THSD7B: variants seen among roughly 807,000 people sequenced by gnomAD.
The protein encoded by THSD7B is thrombospondin type 1 domain containing 7B.
Under a neutral mutation model 213.6 loss-of-function variants are expected in THSD7B, and 138 were observed. That is an observed-to-expected ratio of 0.65 (90% confidence interval 0.56 to 0.74). The LOEUF (loss-of-function observed/expected upper bound fraction) is 0.74, where lower values mean the gene tolerates loss of function less well. Among genes scored for constraint, THSD7B ranks in the 30% least tolerant of loss-of-function variants. THSD7B has a pLI of 0.00. For synonymous variants in THSD7B, 742 were observed against 687.0 expected (o/e 1.08, Z -1.25); for missense variants, 1,931 against 1,991.5 (o/e 0.97, Z 0.58).
chr2:136,898,086 T>C (rs1558843605), intron 2 of THSD7B, among the ~76,000 whole-genome samples: 1 of 152,196 alleles, frequency 6.6e-6, no homozygotes, highest in African/African-American at 2.4e-5. Flanking sequence ...GCATTTACAG[T>C]CCTCTAGCTA....
At chr2:137,556,841 A>G (rs1573706179) in intron 15 of THSD7B, among the ~76,000 whole-genome samples, 2 of 152,338 alleles carry the variant, frequency 1.3e-5, no homozygotes, top group East Asian at 3.9e-4. Flanking sequence ...AAAGGGATGG[A>G]GGAAGATCTA....
At chr2:137,039,764 G>A (rs1686846630) in intron 2 of THSD7B, among the ~76,000 whole-genome samples, 1 of 152,192 alleles carries the variant, frequency 6.6e-6, no homozygotes, top group Admixed American at 6.5e-5. Flanking sequence ...GTATAGCTCT[G>A]AAGCACTTTC....
chr2:137,178,988 C>T (rs1376038549), intron 7 of THSD7B, among the ~76,000 whole-genome samples: 1 of 152,152 alleles, frequency 6.6e-6, no homozygotes, highest in African/African-American at 2.4e-5. Context: ...CAAATTGCTT[C>T]CTGAGTTGTG....
chr2:136,774,750 G>T (rs1681570232), intron 1 of THSD7B, among the ~76,000 whole-genome samples: 1 of 152,124 alleles, frequency 6.6e-6, no homozygotes, highest in South Asian at 2.1e-4. Flanking sequence ...GCTATATCGT[G>T]TAAGAGTATG....
chr2:137,405,206 A>AAG (rs1686487533), intron 12 of THSD7B, among the ~76,000 whole-genome samples: 2 of 151,916 alleles, frequency 1.3e-5, no homozygotes, highest in South Asian at 4.2e-4. Flanking sequence ...AGCAAAAAAA[A>AAG]AAAAAAAATG....
chr2:137,491,366 C>T (rs1262235917), intron 15 of THSD7B, among the ~76,000 whole-genome samples: 4 of 152,236 alleles, frequency 2.6e-5, no homozygotes, highest in East Asian at 1.9e-4. Context: ...GTGTGGCCAA[C>T]GTTTTTGATG....
chr2:137,020,444 C>T (rs75319286), intron 2 of THSD7B, among the ~76,000 whole-genome samples: 2 of 152,124 alleles, frequency 1.3e-5, no homozygotes, highest in Admixed American at 1.3e-4. Flanking sequence ...TTTCTCCTAG[C>T]CTGATCTGAT....
At chr2:137,336,643 G>A (rs1466065443) in intron 12 of THSD7B, among the ~76,000 whole-genome samples, 1 of 152,150 alleles carries the variant, frequency 6.6e-6, no homozygotes, top group South Asian at 2.1e-4. Context: ...ACCATGAGGA[G>A]CTGCAATGAG....
At chr2:137,104,743 A>G (rs1688215595) in intron 4 of THSD7B, among the ~76,000 whole-genome samples, 1 of 152,242 alleles carries the variant, frequency 6.6e-6, no homozygotes, top group South Asian at 2.1e-4. Context: ...CTGATCCCAT[A>G]GAAATACAAA....
At chr2:136,838,892 T>C (rs1240281109) in intron 1 of THSD7B, among the ~76,000 whole-genome samples, 1 of 152,242 alleles carries the variant, frequency 6.6e-6, no homozygotes, top group Admixed American at 6.5e-5. Context: ...GCTGCCTTGC[T>C]CTGTGAGCAT....
intron 2 of THSD7B, among the ~76,000 whole-genome samples, chr2:137,035,682 C>T (rs1686761623): frequency 6.6e-6 from 1 of 151,958 alleles, no homozygotes; most frequent in African/African-American, 2.4e-5. Flanking sequence ...CCCAGGTAGA[C>T]TGGTGAAAAT....
At chr2:136,829,575 A>G (rs553365066) in intron 1 of THSD7B, among the ~76,000 whole-genome samples, 1 of 152,214 alleles carries the variant, frequency 6.6e-6, no homozygotes, top group African/African-American at 2.4e-5. Flanking sequence ...TGTGGTCATA[A>G]CTTGGGTCCC....
chr2:137,208,105 T>C (rs1244642450), intron 7 of THSD7B, among the ~76,000 whole-genome samples: 1 of 152,050 alleles, frequency 6.6e-6, no homozygotes, highest in Non-Finnish European at 1.5e-5. Flanking sequence ...CCAGACCAAC[T>C]CAAAATTACG....
At chr2:136,903,719 A>G (rs1684100316) in intron 2 of THSD7B, among the ~76,000 whole-genome samples, 1 of 152,190 alleles carries the variant, frequency 6.6e-6, no homozygotes, top group Non-Finnish European at 1.5e-5. Context: ...TCACAGGGCC[A>G]GAGAGCTAGG....
chr2:137,577,092 G>T (rs1384116050), intron 17 of THSD7B, among the ~76,000 whole-genome samples: 1 of 152,090 alleles, frequency 6.6e-6, no homozygotes, highest in Non-Finnish European at 1.5e-5. Flanking sequence ...CAAGCTGAAA[G>T]CCAGAGGATG....
chr2:136,986,270 T>C (rs572579243), intron 2 of THSD7B, among the ~76,000 whole-genome samples: 34 of 152,320 alleles, frequency 2.2e-4, no homozygotes, highest in African/African-American at 7.9e-4. Flanking sequence ...AGGGATGGAA[T>C]GATATGATTT....
At chr2:137,365,483 A>G (rs1452734386) in intron 12 of THSD7B, among the ~76,000 whole-genome samples, 1 of 152,218 alleles carries the variant, frequency 6.6e-6, no homozygotes, top group African/African-American at 2.4e-5. Context: ...AATTTTCACA[A>G]TCTACCCATC....
In THSD7B at chr2:136,977,161, C is replaced by A. The variant is rs1027629158; in HGVS notation, c.140-79259C>A. On this transcript the variant is annotated intron_variant, in intron 2 of 27. Transcript: ENST00000409968. ...TTTCAGAACTTATTATTGGTCTATT[C>A]AACTTATTCCTGGTTCAGCCTTGGG... Among the ~76,000 whole-genome samples the A allele has an allele frequency of 1.8e-4, 27 of 151,870 alleles. 1 individual carries two copies. Among genetic ancestry groups the A allele is most frequent in the African/African-American group, 6.5e-4 (27 of 41,330 alleles).
Position 136,837,116 on chromosome 2 carries a change from TG to T in THSD7B, c.-35-45026del, listed in dbSNP as rs778904217. 2.0e-5 allele frequency among the ~76,000 whole-genome samples: 3 copies of T among 152,362 alleles called. No homozygotes were observed. In the East Asian group the frequency reaches 5.8e-4, roughly 29 times the overall value. On this transcript the variant is annotated intron_variant, in intron 1 of 27. Coordinates refer to ENST00000409968, the MANE Select transcript of THSD7B (RefSeq NM_001316349.2). ...GATCTCTCTGTGTCCACTCTTAACC[TG>T]GCGGGTCTGTATTCGATCCTCTATA...
Sources: gnomAD v4.1 joint callset for allele counts (sites outside exome capture counted in the v4.1 genomes callset) on GRCh38, gnomAD v4.1.1 for gene constraint, MANE v1.5 for transcripts, NCBI Gene and HGNC (gene_info 2026-07-23, HGNC 2026-07-21) for gene names.